The following DYSF variants were observed in gnomAD, a reference collection of about 807,000 sequenced individuals.
The protein encoded by DYSF is dystrophy-associated fer-1-like 1.
A neutral mutation model predicts 274.9 loss-of-function variants in DYSF; 212 were observed. The ratio of observed to expected loss-of-function variants is 0.77; its 90% CI spans 0.69 to 0.86. The LOEUF is 0.86. DYSF is among the 40% of genes least tolerant of loss of function. The pLI is 0.00. For synonymous variants in DYSF, 1,091 were observed against 1,078.7 expected, an observed-to-expected ratio of 1.01 and a Z score of -0.22; for missense variants, 2,666 against 2,783.2, an observed-to-expected ratio of 0.96 and a Z score of 0.95.
Position 71,577,655 on chromosome 2 carries a change from C to T in DYSF, c.3402+3284C>T, listed in dbSNP as rs937715893. Among the ~76,000 whole-genome samples the T allele has an allele frequency of 2.7e-5, 4 of 147,654 alleles. No homozygotes were observed. In the Admixed American group the frequency reaches 2.7e-4, roughly 10 times the overall value. ...TCTCTTACACTCACACATACACAAT[C>T]ATATGCACACGCACCCACACACACT... On this transcript the variant is annotated intron_variant, in intron 30 of 55. Coordinates refer to ENST00000410020, the MANE Select transcript of DYSF (RefSeq NM_001130987.2).
chr2:71,490,618 C>T (rs990311442), intron 3 of DYSF, among the ~76,000 whole-genome samples: 4 of 152,226 alleles, frequency 2.6e-5, no homozygotes, highest in Non-Finnish European at 4.4e-5. Flanking sequence ...TGAGCCACTG[C>T]GCCCGGCCTG....
chr2:71,500,662 C>G (rs1193085172), intron 3 of DYSF, among the ~76,000 whole-genome samples: 1 of 152,096 alleles, frequency 6.6e-6, no homozygotes, highest in East Asian at 1.9e-4. Flanking sequence ...CAGAGGAGGT[C>G]TGGCTTTTCT....
chr2:71,492,160 T>C (rs2083909641), intron 3 of DYSF, among the ~76,000 whole-genome samples: 2 of 152,242 alleles, frequency 1.3e-5, no homozygotes, highest in South Asian at 4.1e-4. Flanking sequence ...TTTTCTTTTG[T>C]CTTTCTCTAG....
At chr2:71,547,856 G>T (rs1421410502) in intron 17 of DYSF, among the ~76,000 whole-genome samples, 1 of 152,088 alleles carries the variant, frequency 6.6e-6, no homozygotes, top group Admixed American at 6.5e-5. Flanking sequence ...AGCCGACTTT[G>T]CCTCTGTAAG....
chr2:71,481,060 G>C, intron 2 of DYSF, 122 bp downstream of exon 2: 2 of 1,001,800 alleles, frequency 2.0e-6, no homozygotes, highest in Non-Finnish European at 3.1e-6. Flanking sequence ...GGAGGGGCTG[G>C]TGGTCCAGCC....
intron 40 of DYSF, among the ~76,000 whole-genome samples, chr2:71,618,556 TGGA>T (rs2093994420): frequency 4.9e-5 from 5 of 102,680 alleles, no homozygotes; most frequent in Admixed American, 1.1e-4. Flanking sequence ...GTGGTAGAGG[TGGA>T]GTGTGTGTTT....
chr2:71,681,231 C>G (rs1300182410), intron 54 of DYSF, 121 bp downstream of exon 54: 20 of 867,832 alleles, frequency 2.3e-5, no homozygotes, highest in Non-Finnish European at 3.6e-5. Context: ...CAGAGAGGGG[C>G]ACGACTCATC....
intron 52 of DYSF, among the ~76,000 whole-genome samples, chr2:71,678,350 A>G (rs1184827986): frequency 6.6e-6 from 1 of 152,220 alleles, no homozygotes; most frequent in Admixed American, 6.5e-5. Flanking sequence ...CATAAAAAAA[A>G]TACAGATTAA....
intron 29 of DYSF, among the ~76,000 whole-genome samples, chr2:71,571,309 C>A (rs1336664388): frequency 6.6e-6 from 1 of 150,746 alleles, no homozygotes; most frequent in African/African-American, 2.4e-5. Flanking sequence ...ACAGATTACA[C>A]CTAGCACACC....
intron 14 of DYSF, 50 bp downstream of exon 14, chr2:71,528,451 G>T: frequency 1.3e-6 from 2 of 1,484,808 alleles, no homozygotes; most frequent in Non-Finnish European, 1.9e-6. Flanking sequence ...ACTTTCTGGT[G>T]CCCTGTGGAC....
intron 41 of DYSF, among the ~76,000 whole-genome samples, chr2:71,623,278 A>C (rs2094143297): frequency 6.7e-6 from 1 of 149,644 alleles, no homozygotes; most frequent in Non-Finnish European, 1.5e-5. Context: ...GCACCCACTA[A>C]CTCGTCATCT....
intron 40 of DYSF, among the ~76,000 whole-genome samples, chr2:71,618,287 T>G (rs2093971016): frequency 1.4e-5 from 1 of 73,762 alleles, no homozygotes; most frequent in Non-Finnish European, 2.6e-5. Context: ...GTGGTAGAGG[T>G]GTGTGTGTGG....
chr2:71,617,002 G>A (rs1162498066), intron 40 of DYSF, among the ~76,000 whole-genome samples: 2 of 152,142 alleles, frequency 1.3e-5, no homozygotes, highest in African/African-American at 4.8e-5. Context: ...CAGAGAGCCT[G>A]CCACCCCCTG....
chr2:71,524,317 T>G (rs1467295844), intron 12 of DYSF, among the ~76,000 whole-genome samples: 1 of 152,238 alleles, frequency 6.6e-6, no homozygotes, highest in Non-Finnish European at 1.5e-5. Flanking sequence ...ATAGCAAATG[T>G]GATATCTTTT....
intron 23 of DYSF, among the ~76,000 whole-genome samples, chr2:71,562,820 G>T (rs1013806785): frequency 1.3e-5 from 2 of 152,150 alleles, no homozygotes; most frequent in Non-Finnish European, 2.9e-5. Flanking sequence ...ACACTGTGTC[G>T]CTCAGCTGTG....
At chr2:71,467,814 T>C (rs2081647613) in intron 1 of DYSF, among the ~76,000 whole-genome samples, 1 of 152,100 alleles carries the variant, frequency 6.6e-6, no homozygotes, top group Non-Finnish European at 1.5e-5. Flanking sequence ...ATAATAATAA[T>C]AATAAAAATC....
chr2:71,457,615 C>A (rs1167155670), intron 1 of DYSF, among the ~76,000 whole-genome samples: 3 of 152,216 alleles, frequency 2.0e-5, no homozygotes, highest in East Asian at 3.8e-4. Context: ...CACAGACATC[C>A]TCAGCCCTTA....
intron 42 of DYSF, 38 bp from the exon 43 acceptor site, chr2:71,656,124 T>C (rs1553408256): frequency 4.3e-6 from 7 of 1,613,784 alleles, no homozygotes; most frequent in Non-Finnish European, 5.9e-6. Flanking sequence ...ACTTTCTTTC[T>C]GTCTCTTGTC....
chr2:71,525,716 AG>A (rs1374765589), intron 12 of DYSF, among the ~76,000 whole-genome samples: 2 of 45,390 alleles, frequency 4.4e-5, no homozygotes, highest in Non-Finnish European at 1.3e-4. Context: ...CATGATAGTC[AG>A]CTCCATGGGA....
Sources: allele counts gnomAD v4.1 joint callset (sites outside exome capture counted in the v4.1 genomes callset), GRCh38; gene constraint gnomAD v4.1.1; transcripts MANE v1.5; gene names NCBI Gene and HGNC (gene_info 2026-07-23, HGNC 2026-07-21).